Variants in QTGAL observed in about 807,000 individuals in gnomAD.
QTGAL encodes the protein BGnT-like protein 1.
the QTGAL span, among the ~76,000 whole-genome samples, chr17:82,977,951 G>A: frequency 3.3e-5 from 5 of 152,140 alleles, no homozygotes; most frequent in Admixed American, 2.0e-4. Flanking sequence ...CCTGTTTTCC[G>A]TTTCCCAAGC....
At chr17:82,984,281 C>T in the QTGAL span, among the ~76,000 whole-genome samples, 15 of 51,156 alleles carry the variant, frequency 2.9e-4, 1 homozygote, top group Middle Eastern at 0.012. Flanking sequence ...GGAGAGGCCA[C>T]GTGAGCACAC....
the QTGAL span, chr17:82,961,004 C>T: frequency 6.4e-7 from 1 of 1,571,200 alleles, no homozygotes; most frequent in Non-Finnish European, 8.6e-7. Flanking sequence ...CCTCGGGCGC[C>T]TCCCGTGTTC....
the QTGAL span, among the ~76,000 whole-genome samples, chr17:83,036,987 G>A: frequency 1.2e-4 from 18 of 152,272 alleles, no homozygotes; most frequent in South Asian, 3.7e-3. Flanking sequence ...TGAGGGTGCT[G>A]AGGAGGCTCC....
At chr17:83,039,851 A>G in the QTGAL span, among the ~76,000 whole-genome samples, 30,852 of 152,202 alleles carry the variant, frequency 0.2, 3,287 homozygotes, top group Non-Finnish European at 0.24. Flanking sequence ...AGCTGGGGCC[A>G]GGAGCTGCTC....
the QTGAL span, among the ~76,000 whole-genome samples, chr17:82,957,021 G>A: frequency 1.3e-5 from 2 of 152,202 alleles, no homozygotes; most frequent in Non-Finnish European, 1.5e-5. Flanking sequence ...GAGGGACAGC[G>A]GGGTTCTCCC....
chr17:83,013,584 C>T, the QTGAL span, among the ~76,000 whole-genome samples: 221 of 151,766 alleles, frequency 1.5e-3, 1 homozygote, highest in African/African-American at 5.1e-3. Flanking sequence ...CTCCCAGCGC[C>T]GTGTGGGCCA....
At chr17:83,028,730 G>A in the QTGAL span, among the ~76,000 whole-genome samples, 1 of 152,136 alleles carries the variant, frequency 6.6e-6, no homozygotes, top group Non-Finnish European at 1.5e-5. Context: ...TTCCTTTAAG[G>A]TAAAAACACC....
chr17:82,951,984 C>T, the QTGAL span, among the ~76,000 whole-genome samples: 22 of 151,824 alleles, frequency 1.4e-4, no homozygotes, highest in East Asian at 2.1e-3. Flanking sequence ...GACGTGGAGA[C>T]GTGGAGTGGG....
the QTGAL span, among the ~76,000 whole-genome samples, chr17:83,024,414 A>G: frequency 6.6e-6 from 1 of 152,204 alleles, no homozygotes; most frequent in African/African-American, 2.4e-5. Context: ...GGCGGTTCAG[A>G]CGGAGTTCGC....
chr17:82,970,520 C>G, the QTGAL span, among the ~76,000 whole-genome samples: 27,306 of 96,966 alleles, frequency 0.28, 4,036 homozygotes, highest in African/African-American at 0.36. Flanking sequence ...CAGGTCCTCC[C>G]CACCCAGCGT....
the QTGAL span, among the ~76,000 whole-genome samples, chr17:83,010,782 G>A: frequency 1.2e-4 from 18 of 152,352 alleles, no homozygotes; most frequent in South Asian, 2.1e-4. Flanking sequence ...GGCAAGGAGC[G>A]GGGAACGGCG....
chr17:83,000,152 G>A, the QTGAL span, among the ~76,000 whole-genome samples: 5 of 152,006 alleles, frequency 3.3e-5, no homozygotes, highest in African/African-American at 7.3e-5. Context: ...TAGTAGGGAC[G>A]GGGTTTCACC....
chr17:83,005,371 G>A, the QTGAL span, among the ~76,000 whole-genome samples: 2 of 152,196 alleles, frequency 1.3e-5, no homozygotes, highest in South Asian at 2.1e-4. The surrounding 1 kb of genome is among the most constrained non-coding windows in gnomAD (Gnocchi z 5.6). Context: ...AGTCGAGGGC[G>A]AGGAGGAGGA....
At chr17:82,984,118 GGGGGAGAGGCCACGTGAGGACGTGGGGGA>G in the QTGAL span, among the ~76,000 whole-genome samples, 1 of 115,946 alleles carries the variant, frequency 8.6e-6, no homozygotes, top group African/African-American at 3.5e-5. Flanking sequence ...GTGAGCACAT[GGGGGAGAGGCCACGTGAGGACGTGGGGGA>G]GGGGAGAGGC....
chr17:82,945,452 G>A, the QTGAL span: 2 of 152,180 alleles, frequency 1.3e-5, no homozygotes, highest in African/African-American at 4.8e-5. Context: ...TGATATAAAC[G>A]ACTACCAATT....
the QTGAL span, among the ~76,000 whole-genome samples, chr17:83,009,680 G>A: frequency 6.6e-6 from 1 of 152,144 alleles, no homozygotes; most frequent in Non-Finnish European, 1.5e-5. Flanking sequence ...GCGTGTCTGG[G>A]TGAACCCAGG....
the QTGAL span, among the ~76,000 whole-genome samples, chr17:82,978,081 A>G: frequency 1.3e-5 from 2 of 152,016 alleles, no homozygotes; most frequent in African/African-American, 4.8e-5. This position sits in a 1 kb window ranked among gnomAD's most constrained non-coding sequence, Gnocchi z 4.8. Flanking sequence ...TTGCTCCCCG[A>G]GTAATTCCGT....
the QTGAL span, among the ~76,000 whole-genome samples, chr17:82,958,816 G>A: frequency 1.6e-5 from 2 of 122,592 alleles, no homozygotes; most frequent in Admixed American, 1.5e-4. Flanking sequence ...TGTGTATACT[G>A]TGTGGGGGTG....
At chr17:83,028,487 TGC>T in the QTGAL span, among the ~76,000 whole-genome samples, 1 of 134,354 alleles carries the variant, frequency 7.4e-6, no homozygotes, top group African/African-American at 2.9e-5. Flanking sequence ...ATTGCGCCAC[TGC>T]ACTCCAGCCT....
Sources: gnomAD v4.1 joint callset for allele counts (sites outside exome capture counted in the v4.1 genomes callset) on GRCh38, gnomAD v4.1.1 for gene constraint, Gnocchi (gnomAD v3.1) non-coding constraint, MANE v1.5 for transcripts, NCBI Gene and HGNC (gene_info 2026-07-23, HGNC 2026-07-21) for gene names.